Variants in DDX10 observed in about 807,000 individuals in gnomAD.
DDX10 encodes DEAD-box helicase 10.
A neutral mutation model predicts 104.3 loss-of-function variants in DDX10; 74 were observed. The ratio of observed to expected loss-of-function variants is 0.71; its 90% CI spans 0.59 to 0.86. The LOEUF is 0.86. Among genes scored for constraint, DDX10 ranks in the 40% least tolerant of loss-of-function variants. DDX10 has a pLI of 0.00. For synonymous variants in DDX10, 351 were observed against 353.4 expected, an observed-to-expected ratio of 0.99 and a Z score of 0.08; for missense variants, 952 against 1,040.0, an observed-to-expected ratio of 0.92 and a Z score of 1.16.
Position 108,812,586 on chromosome 11 carries a change from C to T in DDX10, c.1966-25860C>T, listed in dbSNP as rs527979195. 2.6e-5 allele frequency among the ~76,000 whole-genome samples: 4 copies of T among 152,116 alleles called. No individual in the cohort carries two copies. The South Asian group carries it at 8.3e-4, about 32-fold the overall frequency. Reference sequence around the variant, plus strand: ...CTTAGATATTATTACTCTTTATCAACTTATGCATGTTCTTCTGTAACTGTT... The same window carrying T: ...CTTAGATATTATTACTCTTTATCAATTTATGCATGTTCTTCTGTAACTGTT... On this transcript the variant is annotated intron_variant, in intron 13 of 17. Transcript: ENST00000322536.
intron 6 of DDX10, among the ~76,000 whole-genome samples, chr11:108,683,187 G>A (rs1433217879): frequency 3.3e-5 from 5 of 152,282 alleles, no homozygotes; most frequent in East Asian, 1.9e-4. Flanking sequence ...TGTGAACCTC[G>A]TAGCATTGTG....
intron 13 of DDX10, among the ~76,000 whole-genome samples, chr11:108,733,612 A>G (rs2094314904): frequency 6.6e-6 from 1 of 152,170 alleles, no homozygotes; most frequent in African/African-American, 2.4e-5. Context: ...GTCTGTACTT[A>G]GGCCCCTCTG....
chr11:108,836,308 A>G (rs553323905), intron 13 of DDX10, among the ~76,000 whole-genome samples: 16 of 152,226 alleles, frequency 1.1e-4, no homozygotes, highest in Non-Finnish European at 1.9e-4. Context: ...GTGTTTTAGT[A>G]ATACCCACAT....
chr11:108,725,366 G>T (rs1172507509), intron 13 of DDX10, among the ~76,000 whole-genome samples: 4 of 152,050 alleles, frequency 2.6e-5, no homozygotes, highest in Non-Finnish European at 5.9e-5. Flanking sequence ...TATGTTAAGG[G>T]TATATTTAAC....
intron 16 of DDX10, among the ~76,000 whole-genome samples, chr11:108,894,917 C>T (rs997195378): frequency 3.3e-5 from 5 of 151,420 alleles, no homozygotes; most frequent in Non-Finnish European, 5.9e-5. Flanking sequence ...TTTTTTAAAA[C>T]GGAAATTTCT....
intron 13 of DDX10, among the ~76,000 whole-genome samples, chr11:108,782,611 AT>A (rs770687304): frequency 1.3e-5 from 2 of 149,974 alleles, no homozygotes; most frequent in Non-Finnish European, 3.0e-5. Flanking sequence ...AGAAGTAAAT[AT>A]TTTTTTTTTA....
In DDX10 at chr11:108,822,000, G is replaced by C. The variant is rs753660201; in HGVS notation, c.1966-16446G>C. On this transcript the variant is annotated intron_variant, in intron 13 of 17. Transcript: ENST00000322536. ...GTATTTCAATATATTCACATAACCAGTTATATAAATCTAAAAATAAAACCA... is the reference window on the plus strand; with the variant it reads ...GTATTTCAATATATTCACATAACCACTTATATAAATCTAAAAATAAAACCA... Among the ~76,000 whole-genome samples, 31 of 152,304 alleles carry C rather than the reference G, an allele frequency of 2.0e-4. No homozygotes were observed. The Middle Eastern group carries it at 0.014, about 67-fold the overall frequency.
chr11:108,740,390 A>T (rs929773823), intron 13 of DDX10, among the ~76,000 whole-genome samples: 1 of 152,130 alleles, frequency 6.6e-6, no homozygotes, highest in Non-Finnish European at 1.5e-5. Context: ...TCTGCCATTG[A>T]TGAGCATTTA....
At chr11:108,765,975 A>G (rs780529892) in intron 13 of DDX10, among the ~76,000 whole-genome samples, 2 of 152,204 alleles carry the variant, frequency 1.3e-5, no homozygotes, top group African/African-American at 2.4e-5. Context: ...TGAATGACCA[A>G]GGTTCTCCAC....
intron 17 of DDX10, among the ~76,000 whole-genome samples, chr11:108,927,452 C>T (rs537057634): frequency 3.9e-5 from 6 of 152,146 alleles, no homozygotes; most frequent in Admixed American, 6.5e-5. Flanking sequence ...TTTCAGTTGC[C>T]GTTTTATAAC....
chr11:108,796,710 G>T (rs533539437), intron 13 of DDX10, among the ~76,000 whole-genome samples: 7 of 152,242 alleles, frequency 4.6e-5, no homozygotes, highest in South Asian at 4.1e-4. Flanking sequence ...GTTTGAATGT[G>T]TCCTCCAAAG....
At chr11:108,818,435 G>T (rs1410303072) in intron 13 of DDX10, among the ~76,000 whole-genome samples, 5 of 152,126 alleles carry the variant, frequency 3.3e-5, no homozygotes, top group African/African-American at 9.7e-5. Context: ...CTTAGATTTG[G>T]AATTAGCCAA....
chr11:108,671,662 G>A (rs1259318544), intron 1 of DDX10, among the ~76,000 whole-genome samples: 1 of 152,186 alleles, frequency 6.6e-6, no homozygotes, highest in African/African-American at 2.4e-5. Context: ...TTGTAGTTGT[G>A]CTCGAATAAA....
At chr11:108,682,374 G>C (rs2094236653) in intron 6 of DDX10, among the ~76,000 whole-genome samples, 1 of 152,092 alleles carries the variant, frequency 6.6e-6, no homozygotes, top group Non-Finnish European at 1.5e-5. Context: ...CACAGTGCTG[G>C]GATTACAGGC....
chr11:108,900,115 A>C (rs563370750), intron 16 of DDX10, among the ~76,000 whole-genome samples: 1 of 151,542 alleles, frequency 6.6e-6, no homozygotes, highest in South Asian at 2.1e-4. Context: ...TCTGTCTCAA[A>C]AAAAAAAAAA....
At chr11:108,838,333 G>A (rs974517940) in intron 13 of DDX10, 113 bp from the exon 14 acceptor site, 2 of 1,118,736 alleles carry the variant, frequency 1.8e-6, no homozygotes, top group African/African-American at 3.2e-5. Flanking sequence ...CTTCTCATTA[G>A]CCAATGAGTA....
chr11:108,756,309 G>A (rs1419377824), intron 13 of DDX10, among the ~76,000 whole-genome samples: 1 of 152,018 alleles, frequency 6.6e-6, no homozygotes, highest in African/African-American at 2.4e-5. Context: ...GAATTTACTA[G>A]TGCTGTGAGA....
chr11:108,705,091 C>T (rs1185882546), intron 9 of DDX10, among the ~76,000 whole-genome samples: 1 of 152,198 alleles, frequency 6.6e-6, no homozygotes, highest in Non-Finnish European at 1.5e-5. Context: ...TATGCAGAGA[C>T]ATTCTGGGGC....
At chr11:108,802,882 C>G (rs1363731502) in intron 13 of DDX10, among the ~76,000 whole-genome samples, 1 of 152,194 alleles carries the variant, frequency 6.6e-6, no homozygotes, top group Admixed American at 6.5e-5. Flanking sequence ...TTATACCAAT[C>G]CCCTAGACTT....
Sources: allele counts gnomAD v4.1 joint callset (sites outside exome capture counted in the v4.1 genomes callset), GRCh38; gene constraint gnomAD v4.1.1; transcripts MANE v1.5; gene names NCBI Gene and HGNC (gene_info 2026-07-23, HGNC 2026-07-21).